Variants in DHCR7 observed in about 807,000 individuals in gnomAD.
The protein encoded by DHCR7 is 7-DHC reductase.
DHCR7 carries 40 observed loss-of-function variants against 43.3 expected under a neutral mutation model. The ratio of observed to expected loss-of-function variants is 0.92; its 90% CI spans 0.72 to 1.20. DHCR7 has a LOEUF of 1.20. Among genes scored for constraint, DHCR7 ranks in the 50% most tolerant of loss-of-function variants. The probability of loss-of-function intolerance (pLI) is 0.00; values close to 1 mark genes in which losing one functional copy is unlikely to be tolerated. For synonymous variants in DHCR7, 298 were observed against 271.4 expected (o/e 1.10, Z -0.96); for missense variants, 608 against 644.6 (o/e 0.94, Z 0.62).
chr11:71,444,982 A>G (rs1337357444), intron 2 of DHCR7, 24 bp from the exon 3 acceptor site: 1 of 1,593,068 alleles, frequency 6.3e-7, no homozygotes, highest in Admixed American at 1.7e-5. Flanking sequence ...AACCTTGCTT[A>G]CATTATCCCT....
At chr11:71,432,033 C>G (rs1949230889), downstream of DHCR7, among the ~76,000 whole-genome samples, 1 of 152,172 alleles carries the variant, frequency 6.6e-6, no homozygotes, top group Non-Finnish European at 1.5e-5. Context: ...GCCATGTTGC[C>G]CTGGATGGTT....
chr11:71,436,662 CA>C (rs5792559), intron 8 of DHCR7, among the ~76,000 whole-genome samples: 127,267 of 144,070 alleles, frequency 0.88, 56,313 homozygotes, highest in Non-Finnish European at 0.95. Context: ...GACTCCGTCT[CA>C]AAAAAAAAAA....
At chr11:71,433,625 CT>C (rs1949242011), downstream of DHCR7, among the ~76,000 whole-genome samples, 1 of 152,216 alleles carries the variant, frequency 6.6e-6, no homozygotes, top group Non-Finnish European at 1.5e-5. Flanking sequence ...GGTAGGTCCC[CT>C]GAAGGTCATA....
At position 71,444,943 on chromosome 11, in the gene DHCR7, T is replaced by C. The variant is rs1949390878; in HGVS notation, c.10A>G (p.Lys4Glu). 6.2e-7 allele frequency: 1 copy of C among 1,614,204 alleles called. No individual in the cohort carries two copies. The highest frequency in any genetic ancestry group is 8.5e-7 in the Non-Finnish European group (1 of 1,180,024). MAA[K>E]SQPNIPKAKS... ...GCTTTGGGAATGTTGGGTTGCGATT[T>C]TGCAGCCATTGGGCCCTGCAAGAAA... Residue 4 changes from lysine (K) to glutamate (E), a missense_variant, in exon 3 of 9, where the codon AAA (lysine) becomes GAA (glutamate). Lys to Glu is a moderately conservative substitution (Grantham distance 56). Coordinates refer to ENST00000355527, the MANE Select transcript of DHCR7 (RefSeq NM_001360.3).
downstream of DHCR7, among the ~76,000 whole-genome samples, chr11:71,427,433 T>C (rs748472251): frequency 1.3e-5 from 2 of 152,252 alleles, no homozygotes; most frequent in Admixed American, 6.5e-5. Context: ...TAAATGTTAT[T>C]GAAAAATTGA....
intron 6 of DHCR7, among the ~76,000 whole-genome samples, chr11:71,439,504 G>A (rs888715330): frequency 3.3e-5 from 5 of 152,254 alleles, no homozygotes; most frequent in East Asian, 1.9e-4. Flanking sequence ...GTTTGAAGCC[G>A]ACGCAGGGCA....
intron 8 of DHCR7, among the ~76,000 whole-genome samples, chr11:71,437,113 G>A (rs1949291176): frequency 6.6e-6 from 1 of 152,154 alleles, no homozygotes; most frequent in Admixed American, 6.5e-5. Flanking sequence ...GGGAATCCTG[G>A]TTTTCCAGGA....
chr11:71,441,875 G>C (rs1488513951), intron 5 of DHCR7, among the ~76,000 whole-genome samples: 2 of 152,216 alleles, frequency 1.3e-5, no homozygotes, highest in Non-Finnish European at 2.9e-5. Context: ...ACCCACGTGA[G>C]AGGCACAAAG....
chr11:71,435,593 G>T lies in DHCR7; in HGVS notation c.1210C>A (p.Arg404Ser), dbSNP rs61757582. 5.6e-6 allele frequency: 9 copies of T among 1,609,664 alleles called. No homozygotes were observed. Among genetic ancestry groups the T allele is most frequent in the Non-Finnish European group, 7.6e-6 (9 of 1,179,660 alleles). ...AGGTCGCCGACGTAGTTGAAGTGGC[G>T]GGCCACGCCCCAGAAGCCCGACACC... ...LLVSGFWGVA[R>S]HFNYVGDLMG... The change falls in exon 9 of 9, where the codon CGC becomes AGC. Residue 404 changes from arginine (R) to serine (S), a missense_variant. Coordinates refer to ENST00000355527, the MANE Select transcript of DHCR7 (RefSeq NM_001360.3).
intron 8 of DHCR7, among the ~76,000 whole-genome samples, chr11:71,437,531 C>T (rs868203791): frequency 6.6e-6 from 1 of 152,174 alleles, no homozygotes; most frequent in African/African-American, 2.4e-5. Context: ...ATGAAGAGGA[C>T]CCCTCCTGCC....
chr11:71,438,884 GGACGTT>G lies in DHCR7; in HGVS notation c.820_825del (p.Asn274_Val275del), dbSNP rs757697462. 1.2e-6 allele frequency: 2 copies of G among 1,613,788 alleles called. No homozygotes were observed. The highest frequency in any genetic ancestry group is 4.5e-5 in the East Asian group (2 of 44,870). On this transcript the variant is annotated inframe_deletion, in exon 7 of 9. Transcript: ENST00000355527. ...TCTCCAGCCATGACAGGCACCTGCA[GGACGTT>G]GACCAGGACCATGGCATTGGTCACA...
intron 7 of DHCR7, among the ~76,000 whole-genome samples, chr11:71,438,262 C>T (rs572860778): frequency 1.3e-5 from 2 of 152,176 alleles, no homozygotes; most frequent in Admixed American, 6.5e-5. Context: ...ACCTCCTGCC[C>T]GAGCAACGTC....
At chr11:71,442,192 T>C in intron 5 of DHCR7, 71 bp downstream of exon 5, 1 of 1,154,266 alleles carries the variant, frequency 8.7e-7, no homozygotes, top group Non-Finnish European at 1.3e-6. Flanking sequence ...AAAGCAGCGC[T>C]GGGGAGGACT....
chr11:71,428,739 C>A (rs1428879529), exon 3 of DHCR7: 2 of 436,080 alleles, frequency 4.6e-6, no homozygotes, highest in Non-Finnish European at 9.1e-6. Context: ...CAGGGGGAAA[C>A]AGCCCAGATG....
At chr11:71,439,286 C>T (rs1949324851) in intron 6 of DHCR7, among the ~76,000 whole-genome samples, 1 of 152,208 alleles carries the variant, frequency 6.6e-6, no homozygotes. Flanking sequence ...ATTCACTTTG[C>T]TTTGCATTCA....
At chr11:71,428,373 T>G (rs1949211165) in exon 3 of DHCR7, 1 of 152,734 alleles carries the variant, frequency 6.5e-6, no homozygotes, top group Non-Finnish European at 1.5e-5. Context: ...TTTCATATAA[T>G]AAAGTGGTTT....
At chr11:71,442,444 T>C (rs1224954250) in intron 4 of DHCR7, 91 bp from the exon 5 acceptor site, 5 of 951,368 alleles carry the variant, frequency 5.3e-6, no homozygotes, top group Non-Finnish European at 8.4e-6. Flanking sequence ...ACAATCATAG[T>C]CTTTTTCTTC....
chr11:71,440,415 G>A (rs961222066), intron 6 of DHCR7, among the ~76,000 whole-genome samples: 5 of 150,652 alleles, frequency 3.3e-5, no homozygotes, highest in South Asian at 2.1e-4. Context: ...AATAGATGAC[G>A]GGTGGGTAGA....
intron 4 of DHCR7, among the ~76,000 whole-genome samples, chr11:71,442,771 C>T (rs1014299792): frequency 4.6e-5 from 7 of 152,200 alleles, no homozygotes; most frequent in African/African-American, 1.7e-4. Context: ...ATCCTTCCAC[C>T]TCAGCCTCCC....
Sources: allele counts gnomAD v4.1 joint callset (sites outside exome capture counted in the v4.1 genomes callset), GRCh38; gene constraint gnomAD v4.1.1; transcripts MANE v1.5; gene names NCBI Gene and HGNC (gene_info 2026-07-23, HGNC 2026-07-21).